Variants in CHST9 observed in about 807,000 individuals in gnomAD.
CHST9 encodes the protein GalNAc-4-sulfotransferase 2.
Under a neutral mutation model 44.4 loss-of-function variants are expected in CHST9, and 41 were observed. The ratio of observed to expected loss-of-function variants is 0.92; its 90% CI spans 0.72 to 1.20. The LOEUF (loss-of-function observed/expected upper bound fraction) is 1.20, where lower values mean the gene tolerates loss of function less well. Ranked by LOEUF, CHST9 falls within the 50% of genes most tolerant of loss-of-function variation. The pLI is 0.00. For synonymous variants in CHST9, 171 were observed against 178.4 expected (o/e 0.96, Z 0.33); for missense variants, 504 against 516.5 (o/e 0.98, Z 0.23).
At chr18:27,095,973 C>A (rs1471513091) in intron 2 of CHST9, among the ~76,000 whole-genome samples, 3 of 151,994 alleles carry the variant, frequency 2.0e-5, no homozygotes, top group Non-Finnish European at 2.9e-5. Flanking sequence ...CCAACAACCA[C>A]AAAATGGACA....
At chr18:26,923,258 A>T (rs149843515) in intron 5 of CHST9, among the ~76,000 whole-genome samples, 2 of 152,254 alleles carry the variant, frequency 1.3e-5, no homozygotes, top group African/African-American at 4.8e-5. Context: ...GGGGTCCAGG[A>T]TACAAAGAAA....
intron 1 of CHST9, among the ~76,000 whole-genome samples, chr18:27,143,814 G>C (rs1322971331): frequency 6.6e-6 from 1 of 152,038 alleles, no homozygotes; most frequent in Non-Finnish European, 1.5e-5. Context: ...CAAGGGGAGG[G>C]AGAGCATTAG....
chr18:26,944,283 T>G (rs755286668), intron 5 of CHST9, 46 bp downstream of exon 5: 1 of 1,465,148 alleles, frequency 6.8e-7, no homozygotes, highest in Non-Finnish European at 9.5e-7. Flanking sequence ...TTTATTAACA[T>G]TGAAACAAAA....
At chr18:26,982,182 C>T (rs548720062) in intron 4 of CHST9, among the ~76,000 whole-genome samples, 44 of 152,268 alleles carry the variant, frequency 2.9e-4, no homozygotes, top group African/African-American at 8.7e-4. Flanking sequence ...TACAGTGATC[C>T]ACTTTCTACT....
chr18:27,082,784 GC>G (rs2057973052), intron 2 of CHST9, among the ~76,000 whole-genome samples: 1 of 152,116 alleles, frequency 6.6e-6, no homozygotes, highest in African/African-American at 2.4e-5. Flanking sequence ...AACCCACTAA[GC>G]CTTTGATACG....
intron 2 of CHST9, among the ~76,000 whole-genome samples, chr18:27,094,901 A>T (rs2058102604): frequency 6.6e-6 from 1 of 152,212 alleles, no homozygotes; most frequent in South Asian, 2.1e-4. Flanking sequence ...CTTTTTACAG[A>T]CAAGGTAATT....
At chr18:26,996,206 C>T (rs1374648303) in intron 4 of CHST9, among the ~76,000 whole-genome samples, 1 of 152,208 alleles carries the variant, frequency 6.6e-6, no homozygotes, top group Non-Finnish European at 1.5e-5. Context: ...CACTCTCATT[C>T]TTTGTACTTC....
chr18:27,174,773 T>C (rs982115181), intron 1 of CHST9, among the ~76,000 whole-genome samples: 2 of 152,058 alleles, frequency 1.3e-5, no homozygotes, highest in Non-Finnish European at 2.9e-5. Flanking sequence ...GATACTTTTC[T>C]TAGTCAATGT....
chr18:27,073,352 T>C (rs1234468734), intron 2 of CHST9, among the ~76,000 whole-genome samples: 1 of 135,056 alleles, frequency 7.4e-6, no homozygotes, highest in Non-Finnish European at 1.5e-5. Flanking sequence ...ATGATGCCAC[T>C]GCTGGGATAA....
At chr18:27,076,271 A>T (rs2057902394) in intron 2 of CHST9, among the ~76,000 whole-genome samples, 1 of 152,226 alleles carries the variant, frequency 6.6e-6, no homozygotes, top group African/African-American at 2.4e-5. Context: ...GGACAATTCC[A>T]GAAGCAGTAG....
At chr18:27,046,775 GC>G (rs963457069) in intron 3 of CHST9, among the ~76,000 whole-genome samples, 9 of 151,978 alleles carry the variant, frequency 5.9e-5, no homozygotes, top group Non-Finnish European at 1.2e-4. Flanking sequence ...ATGATTAGGA[GC>G]CCCCTAACAT....
At chr18:26,941,217 C>T (rs913139643) in intron 5 of CHST9, among the ~76,000 whole-genome samples, 4 of 152,100 alleles carry the variant, frequency 2.6e-5, no homozygotes, top group Non-Finnish European at 2.9e-5. Flanking sequence ...AAGCGTTTCT[C>T]GTAGACAGCA....
chr18:27,117,482 C>A (rs2058337009), intron 2 of CHST9, among the ~76,000 whole-genome samples: 1 of 152,092 alleles, frequency 6.6e-6, no homozygotes, highest in African/African-American at 2.4e-5. Context: ...CAACATATAT[C>A]TATCATTATA....
rs967768258 is a variant in CHST9 at position 27,157,043 on chromosome 18, A to T, written c.-96-14138T>A. On this transcript the variant is annotated intron_variant, in intron 1 of 5. Transcript: ENST00000618847. ...ACCTTATTTCTGAATTATTTTTGTC[A>T]CATTATTTCTGAATTCCCCCTTCTG... Among the ~76,000 whole-genome samples the T allele has an allele frequency of 3.9e-5, 6 of 152,062 alleles. No individual in the cohort carries two copies. The East Asian group carries it at 9.6e-4, about 24-fold the overall frequency.
At chr18:27,162,985 G>C (rs1428220437) in intron 1 of CHST9, among the ~76,000 whole-genome samples, 2 of 152,096 alleles carry the variant, frequency 1.3e-5, no homozygotes, top group Non-Finnish European at 2.9e-5. Context: ...TACAGATGGG[G>C]TTTTGGTGTG....
intron 3 of CHST9, among the ~76,000 whole-genome samples, chr18:27,047,744 C>T (rs893265972): frequency 3.9e-5 from 6 of 151,968 alleles, no homozygotes; most frequent in Non-Finnish European, 5.9e-5. Flanking sequence ...GGAAGGATGG[C>T]GGGCATAGGT....
At chr18:27,108,826 T>TG (rs1199570183) in intron 2 of CHST9, among the ~76,000 whole-genome samples, 1 of 152,230 alleles carries the variant, frequency 6.6e-6, no homozygotes, top group Admixed American at 6.5e-5. Flanking sequence ...AAATTATTCT[T>TG]TGTTTTTTGT....
At chr18:27,135,756 G>T (rs1322039167) in intron 2 of CHST9, among the ~76,000 whole-genome samples, 1 of 152,190 alleles carries the variant, frequency 6.6e-6, no homozygotes, top group African/African-American at 2.4e-5. Flanking sequence ...TCCTTAAAAC[G>T]TCTGGTCTTT....
chr18:27,180,568 T>C (rs182074317), intron 1 of CHST9, among the ~76,000 whole-genome samples: 3 of 152,236 alleles, frequency 2.0e-5, no homozygotes, highest in Admixed American at 6.5e-5. Flanking sequence ...GTTGATACCG[T>C]GATGGCCAGA....
Sources: gnomAD v4.1 joint callset for allele counts (sites outside exome capture counted in the v4.1 genomes callset) on GRCh38, gnomAD v4.1.1 for gene constraint, MANE v1.5 for transcripts, NCBI Gene and HGNC (gene_info 2026-07-23, HGNC 2026-07-21) for gene names.